GPC6: variants seen among roughly 807,000 people sequenced by gnomAD.
GPC6 encodes glypican 6.
In GPC6, 14 loss-of-function variants were observed where a neutral mutation model predicts 55.2. That is an observed-to-expected ratio of 0.25 (90% CI 0.17 to 0.40). The LOEUF (loss-of-function observed/expected upper bound fraction) is 0.40. GPC6 is among the 10% of genes least tolerant of loss of function. The pLI, the probability that GPC6 is intolerant of heterozygous loss-of-function variation, is 1.00. For missense variants in GPC6, 641 were observed against 708.5 expected (o/e 0.90, Z 1.08); for synonymous variants, 278 against 259.6 (o/e 1.07, Z -0.68).
chr13:94,169,173 CT>C (rs2138926450), intron 4 of GPC6, among the ~76,000 whole-genome samples: 1 of 152,308 alleles, frequency 6.6e-6, no homozygotes, highest in East Asian at 1.9e-4. Context: ...TGCAATATCA[CT>C]TTTAAAAGAA....
intron 6 of GPC6, among the ~76,000 whole-genome samples, chr13:94,356,733 G>C (rs1331806603): frequency 6.6e-6 from 1 of 152,012 alleles, no homozygotes. Flanking sequence ...GAGAAGTAGA[G>C]CCTAATTAAA....
At chr13:93,617,358 T>C (rs1299781273) in intron 2 of GPC6, among the ~76,000 whole-genome samples, 1 of 152,140 alleles carries the variant, frequency 6.6e-6, no homozygotes. Flanking sequence ...GTCTGCCTCA[T>C]TCATCTCTCT....
chr13:94,324,547 A>G (rs1201503597), intron 6 of GPC6, among the ~76,000 whole-genome samples: 1 of 152,162 alleles, frequency 6.6e-6, no homozygotes, highest in Non-Finnish European at 1.5e-5. Flanking sequence ...CCACAAGAAG[A>G]ATCTTGCAGC....
intron 4 of GPC6, among the ~76,000 whole-genome samples, chr13:94,272,305 G>A (rs1354952246): frequency 6.6e-6 from 1 of 151,858 alleles, no homozygotes; most frequent in Non-Finnish European, 1.5e-5. Context: ...ATGGTCTCTG[G>A]GGCGATTTGG....
intron 4 of GPC6, among the ~76,000 whole-genome samples, chr13:94,252,230 A>G (rs538021669): frequency 4.1e-4 from 63 of 152,266 alleles, no homozygotes; most frequent in Non-Finnish European, 7.9e-4. Context: ...TAGAAGCAGA[A>G]CTGTTCATCA....
At chr13:93,409,328 CAA>C (rs1266447205) in intron 1 of GPC6, among the ~76,000 whole-genome samples, 1 of 152,022 alleles carries the variant, frequency 6.6e-6, no homozygotes, top group Non-Finnish European at 1.5e-5. Flanking sequence ...TAACTATAAA[CAA>C]GAGTTCTTGA....
At chr13:93,395,552 T>C (rs1875815125) in intron 1 of GPC6, 1 of 170,292 alleles carries the variant, frequency 5.9e-6, no homozygotes, top group African/African-American at 2.4e-5. Context: ...AACAAATATA[T>C]TCTTCACAGT....
intron 2 of GPC6, among the ~76,000 whole-genome samples, chr13:93,583,361 C>T (rs764903576): frequency 2.1e-4 from 29 of 140,526 alleles, no homozygotes; most frequent in Admixed American, 1.2e-3. Flanking sequence ...TGTGCGCGCG[C>T]GCGTGCGTAT....
intron 1 of GPC6, among the ~76,000 whole-genome samples, chr13:93,475,753 A>G (rs1031117910): frequency 6.6e-5 from 10 of 152,252 alleles, no homozygotes; most frequent in Admixed American, 2.6e-4. Flanking sequence ...TAACATTACT[A>G]GAAGTGCACT....
chr13:94,020,154 A>G (rs1882641392), intron 3 of GPC6, among the ~76,000 whole-genome samples: 1 of 152,046 alleles, frequency 6.6e-6, no homozygotes, highest in Admixed American at 6.5e-5. Context: ...ATAGGCATTT[A>G]TGGCTATAAG....
intron 1 of GPC6, among the ~76,000 whole-genome samples, chr13:93,287,471 C>A (rs1878175102): frequency 6.6e-6 from 1 of 152,320 alleles, no homozygotes; most frequent in African/African-American, 2.4e-5. Context: ...TCATCCAGAT[C>A]TTTCTTTACT....
At chr13:94,031,042 G>A (rs934222833) in intron 4 of GPC6, among the ~76,000 whole-genome samples, 6 of 151,462 alleles carry the variant, frequency 4.0e-5, no homozygotes, top group African/African-American at 1.2e-4. Context: ...GCGTGTGTGC[G>A]TTTGTGCGTT....
intron 1 of GPC6, among the ~76,000 whole-genome samples, chr13:93,387,136 T>TC (rs955513295): frequency 2.6e-5 from 4 of 151,462 alleles, no homozygotes; most frequent in East Asian, 3.9e-4. Context: ...TTTCTTTCTT[T>TC]TTTTTTTTTC....
intron 2 of GPC6, among the ~76,000 whole-genome samples, chr13:93,731,295 A>T (rs1454699782): frequency 2.0e-5 from 3 of 152,146 alleles, no homozygotes; most frequent in African/African-American, 7.2e-5. Flanking sequence ...ACTACATCAC[A>T]AAACTCTCAT....
At chr13:94,249,153 CTG>C (rs773557583) in intron 4 of GPC6, among the ~76,000 whole-genome samples, 1 of 152,236 alleles carries the variant, frequency 6.6e-6, no homozygotes, top group South Asian at 2.1e-4. Context: ...GTCTCAGCAA[CTG>C]TATCCCAAAA....
chr13:93,817,994 TA>T (rs1230116352), intron 2 of GPC6, among the ~76,000 whole-genome samples: 2 of 147,614 alleles, frequency 1.4e-5, no homozygotes, highest in Non-Finnish European at 3.0e-5. Flanking sequence ...ATATATAAAA[TA>T]AAAACATAAA....
At position 93,298,903 on chromosome 13, in the gene GPC6, T is replaced by G. The variant is rs535684730; in HGVS notation, c.160+71287T>G. Among the ~76,000 whole-genome samples the G allele has an allele frequency of 3.3e-5, 5 of 151,570 alleles. No homozygotes were observed. In the East Asian group the frequency reaches 9.7e-4, roughly 29 times the overall value. ...ACAGTAGCACTTTTCTCTTAGGGTT[T>G]TTTTTTTTTTTGGAATTAGTCACAT... On this transcript the variant is annotated intron_variant, in intron 1 of 8. Coordinates refer to ENST00000377047, the MANE Select transcript of GPC6 (RefSeq NM_005708.5).
At chr13:93,519,640 T>C (rs1881333351) in intron 1 of GPC6, among the ~76,000 whole-genome samples, 2 of 152,006 alleles carry the variant, frequency 1.3e-5, no homozygotes, top group South Asian at 4.1e-4. Context: ...AGTCAATGTT[T>C]GAGTTTGATT....
intron 2 of GPC6, among the ~76,000 whole-genome samples, chr13:93,699,230 T>C (rs1018346967): frequency 6.6e-6 from 1 of 152,090 alleles, no homozygotes; most frequent in Non-Finnish European, 1.5e-5. Flanking sequence ...GAAGTTTAAG[T>C]TGACACATTT....
Sources: allele counts gnomAD v4.1 joint callset (sites outside exome capture counted in the v4.1 genomes callset), GRCh38; gene constraint gnomAD v4.1.1; transcripts MANE v1.5; gene names NCBI Gene and HGNC (gene_info 2026-07-23, HGNC 2026-07-21).